RERG: variants seen among roughly 807,000 people sequenced by gnomAD.
The protein encoded by RERG is ras-related and estrogen-regulated growth inhibitor.
RERG carries 25 observed loss-of-function variants against 23.2 expected under a neutral mutation model. The observed-to-expected ratio is 1.08, with a 90% CI of 0.79 to 1.50. The LOEUF (loss-of-function observed/expected upper bound fraction) is 1.50. Ranked by LOEUF, RERG falls within the 40% of genes most tolerant of loss-of-function variation. The pLI is 0.00. For synonymous variants in RERG, 81 were observed against 89.1 expected (o/e 0.91, Z 0.51); for missense variants, 253 against 250.1 (o/e 1.01, Z -0.08).
intron 2 of RERG, among the ~76,000 whole-genome samples, chr12:15,164,689 G>C (rs1471276239): frequency 6.6e-6 from 1 of 152,118 alleles, no homozygotes; most frequent in Non-Finnish European, 1.5e-5. Flanking sequence ...TTACTTTGCT[G>C]GGCTTGGATT....
intron 2 of RERG, among the ~76,000 whole-genome samples, chr12:15,211,167 A>T (rs950316690): frequency 9.9e-5 from 15 of 152,202 alleles, no homozygotes; most frequent in Non-Finnish European, 1.6e-4. Flanking sequence ...TACCACAAAG[A>T]TTATATAATC....
chr12:15,150,978 T>C (rs1864431367), intron 2 of RERG, among the ~76,000 whole-genome samples: 1 of 152,208 alleles, frequency 6.6e-6, no homozygotes, highest in Non-Finnish European at 1.5e-5. Context: ...AAGTACATAA[T>C]ACATGCAATA....
At chr12:15,114,222 C>T (rs1218701280) in intron 3 of RERG, among the ~76,000 whole-genome samples, 1 of 151,712 alleles carries the variant, frequency 6.6e-6, no homozygotes, top group Non-Finnish European at 1.5e-5. Context: ...AATATAAAAG[C>T]TCATGCACAG....
intron 2 of RERG, chr12:15,137,920 A>T (rs1053550403): frequency 2.3e-6 from 1 of 425,584 alleles, no homozygotes; most frequent in Non-Finnish European, 4.7e-6. Flanking sequence ...TGAAGAATGT[A>T]TCGTATCATT....
intron 2 of RERG, among the ~76,000 whole-genome samples, chr12:15,151,353 T>C (rs1356988389): frequency 6.6e-6 from 1 of 152,204 alleles, no homozygotes; most frequent in Non-Finnish European, 1.5e-5. Context: ...AGTCCACAGC[T>C]TTGAACCATT....
intron 2 of RERG, among the ~76,000 whole-genome samples, chr12:15,215,869 G>A (rs997737594): frequency 2.0e-5 from 3 of 152,088 alleles, no homozygotes; most frequent in Admixed American, 6.5e-5. Context: ...GATGGGAAAC[G>A]GATGGACGCA....
intron 2 of RERG, among the ~76,000 whole-genome samples, chr12:15,167,232 T>C (rs1157242411): frequency 6.6e-6 from 1 of 152,184 alleles, no homozygotes; most frequent in South Asian, 2.1e-4. Flanking sequence ...AATGTGACTA[T>C]CTGCTGGGTT....
chr12:15,184,231 A>C (rs1864961133), intron 2 of RERG, among the ~76,000 whole-genome samples: 1 of 152,214 alleles, frequency 6.6e-6, no homozygotes, highest in Non-Finnish European at 1.5e-5. Flanking sequence ...CATTCTTCCA[A>C]AATGTCTACA....
intron 3 of RERG, among the ~76,000 whole-genome samples, chr12:15,114,979 T>A (rs1392188011): frequency 1.3e-5 from 2 of 152,154 alleles, no homozygotes; most frequent in Non-Finnish European, 2.9e-5. Flanking sequence ...TAGGTGTTTA[T>A]CATTGGGGAG....
At chr12:15,128,085 A>T (rs116822618) in intron 2 of RERG, among the ~76,000 whole-genome samples, 176 of 152,142 alleles carry the variant, frequency 1.2e-3, no homozygotes, top group African/African-American at 4.1e-3. Flanking sequence ...TTCTATGTAT[A>T]CGATATAATT....
chr12:15,155,378 T>A (rs545038378), intron 2 of RERG: 1 of 152,150 alleles, frequency 6.6e-6, no homozygotes, highest in Admixed American at 6.5e-5. Context: ...TGATCAACCC[T>A]CCAGCATAGT....
chr12:15,134,039 G>C (rs1469581630), intron 2 of RERG, among the ~76,000 whole-genome samples: 3 of 151,772 alleles, frequency 2.0e-5, no homozygotes, highest in Non-Finnish European at 4.4e-5. Flanking sequence ...TTTTCTCCCA[G>C]TCTGTGGCTT....
At chr12:15,144,696 G>C (rs1271948844) in intron 2 of RERG, among the ~76,000 whole-genome samples, 1 of 152,238 alleles carries the variant, frequency 6.6e-6, no homozygotes, top group Non-Finnish European at 1.5e-5. Context: ...TGGCAATGCA[G>C]AGAGTCAATC....
chr12:15,166,002 T>C (rs1474486598), intron 2 of RERG, among the ~76,000 whole-genome samples: 1 of 152,182 alleles, frequency 6.6e-6, no homozygotes, highest in Non-Finnish European at 1.5e-5. Context: ...GGAGAGGTTG[T>C]GCAGGTTATG....
At chr12:15,169,920 A>ATGTGGG (rs1864752924) in intron 2 of RERG, among the ~76,000 whole-genome samples, 1 of 137,592 alleles carries the variant, frequency 7.3e-6, no homozygotes, top group African/African-American at 2.7e-5. Context: ...TCTGCTAAAA[A>ATGTGGG]TGTGTGTGTG....
At position 15,217,443 on chromosome 12, in the gene RERG, C is replaced by T. The variant is rs1865457212; in HGVS notation, c.47G>A (p.Gly16Asp). The T allele has an allele frequency of 6.2e-7, 1 of 1,613,020 alleles. No homozygotes were observed. Residue 16 changes from glycine (G) to aspartate (D), a missense_variant, in exon 2 of 5, where the codon GGC (glycine) becomes GAC (aspartate). Gly to Asp is a moderately conservative substitution (Grantham distance 94). Transcript: ENST00000256953. ...GAAAATCTTACCTGACTTGCCCACG[C>T]CTGCTCTCCCAAATATTGCCAGTTT... ...EVKLAIFGRA[G>D]VGKSALVVRF... is the part of the protein sequence containing the mutation.
chr12:15,162,128 T>A (rs1230127582), intron 2 of RERG, among the ~76,000 whole-genome samples: 1 of 152,208 alleles, frequency 6.6e-6, no homozygotes, highest in Non-Finnish European at 1.5e-5. Context: ...GAATCTCTTA[T>A]GAATTTCAGA....
Position 15,108,874 on chromosome 12 carries a change from A to T in RERG, c.*236T>A. 2.4e-6 allele frequency: 1 copy of T among 411,974 alleles called. No individual in the cohort carries two copies. Among genetic ancestry groups the T allele is most frequent in the Non-Finnish European group, 4.2e-6 (1 of 235,666 alleles). 25.5% of individuals were successfully genotyped at this position (411,974 alleles called of 1,614,324 possible). On this transcript the variant is annotated 3_prime_UTR_variant, in exon 5 of 5. Transcript: ENST00000256953. The stretch of plus-strand genomic sequence containing the variant: ...AGTCATTTCAGAATCTCTGGTGATT[A>T]CATGTTCAAATGCCATTAGAGTGTA...
chr12:15,215,948 T>G (rs1313889050), intron 2 of RERG, among the ~76,000 whole-genome samples: 2 of 152,194 alleles, frequency 1.3e-5, no homozygotes, highest in East Asian at 1.9e-4. Flanking sequence ...CGCATGTAGG[T>G]TATTTTAACA....
Sources: gnomAD v4.1 joint callset for allele counts (sites outside exome capture counted in the v4.1 genomes callset) on GRCh38, gnomAD v4.1.1 for gene constraint, MANE v1.5 for transcripts, NCBI Gene and HGNC (gene_info 2026-07-23, HGNC 2026-07-21) for gene names.